Variants in CACNA1E observed in about 807,000 individuals in gnomAD.
The protein encoded by CACNA1E is voltage-dependent R-type calcium channel subunit alpha-1E.
In CACNA1E, 40 loss-of-function variants were observed where a neutral mutation model predicts 259.2. The ratio of observed to expected loss-of-function variants is 0.15; its 90% CI spans 0.12 to 0.20. The LOEUF (loss-of-function observed/expected upper bound fraction) is 0.20. Ranked by LOEUF, CACNA1E falls within the 10% of genes least tolerant of loss-of-function variation. The pLI is 1.00. For synonymous variants in CACNA1E, 1,104 were observed against 1,138.5 expected, an observed-to-expected ratio of 0.97 and a Z score of 0.61; for missense variants, 1,874 against 3,040.1, an observed-to-expected ratio of 0.62 and a Z score of 9.02.
chr1:181,564,228 CA>C (rs1476920537), intron 3 of CACNA1E, among the ~76,000 whole-genome samples: 1 of 152,196 alleles, frequency 6.6e-6, no homozygotes, highest in African/African-American at 2.4e-5. Flanking sequence ...ATTTGTCTCA[CA>C]GTAGAATTTC....
chr1:181,733,427 C>T lies in CACNA1E; in HGVS notation c.2949-10C>T. ...CTGAGCACCAGCTCTCTCTTCCTCT[C>T]TCTTCACAGGACCAACAGTCTGATG... is the stretch of plus-strand genomic sequence containing the variant. On this transcript the variant is annotated splice_polypyrimidine_tract_variant and intron_variant, in intron 20 of 47. Coordinates refer to ENST00000367573, the MANE Select transcript of CACNA1E (RefSeq NM_001205293.3). 2.0e-6 allele frequency: 3 copies of T among 1,503,502 alleles called. No homozygotes were observed. Among genetic ancestry groups the T allele is most frequent in the Non-Finnish European group, 2.7e-6 (3 of 1,125,630 alleles). The allele number at this position is 1,503,502 out of a possible 1,614,324, so 93.1% of individuals were successfully genotyped here. A position where few individuals can be genotyped will look rare whatever the true frequency, so the allele number is the denominator to read the frequency against.
chr1:181,319,952 A>G (rs1217356926), intron 1 of CACNA1E, among the ~76,000 whole-genome samples: 1 of 152,238 alleles, frequency 6.6e-6, no homozygotes. Flanking sequence ...TCCCTCTGAA[A>G]TGCCCATTCC....
At position 181,565,751 on chromosome 1, in the gene CACNA1E, A is replaced by G. The variant is rs557765156; in HGVS notation, c.513-12015A>G. ...TCATGGGGCTTGGATACTGGAGTTCATTAGTGCATCTTGTAACAAGGCCAC... is the reference window on the plus strand; with the variant it reads ...TCATGGGGCTTGGATACTGGAGTTCGTTAGTGCATCTTGTAACAAGGCCAC... On this transcript the variant is annotated intron_variant, in intron 3 of 47. Coordinates refer to ENST00000367573, the MANE Select transcript of CACNA1E (RefSeq NM_001205293.3). Among the ~76,000 whole-genome samples the G allele has an allele frequency of 1.0e-3, 159 of 152,318 alleles. 1 individual carries two copies. The highest frequency in any genetic ancestry group is 2.0e-3 in the Non-Finnish European group (133 of 68,032).
chr1:181,434,394 A>ATTTTTTTTTTT (rs34732298), intron 2 of CACNA1E, among the ~76,000 whole-genome samples: 1 of 149,024 alleles, frequency 6.7e-6, no homozygotes, highest in Non-Finnish European at 1.5e-5. Flanking sequence ...CTACTGGCCA[A>ATTTTTTTTTTT]TTTTTTTTTT....
intron 3 of CACNA1E, among the ~76,000 whole-genome samples, chr1:181,562,339 C>G (rs572334866): frequency 1.3e-5 from 2 of 152,218 alleles, no homozygotes; most frequent in South Asian, 4.2e-4. Flanking sequence ...GCATGACAGG[C>G]CATTGTGTTG....
chr1:181,694,070 G>A (rs932650553), intron 7 of CACNA1E, among the ~76,000 whole-genome samples: 2 of 152,154 alleles, frequency 1.3e-5, no homozygotes, highest in Non-Finnish European at 2.9e-5. Context: ...AATATGTAAT[G>A]AGAAAATAAC....
intron 6 of CACNA1E, among the ~76,000 whole-genome samples, chr1:181,649,778 C>T (rs1658593211): frequency 6.6e-6 from 1 of 152,006 alleles, no homozygotes; most frequent in Non-Finnish European, 1.5e-5. Context: ...TGCATGTTCT[C>T]ACTTATAGGT....
chr1:181,616,340 GTTTTGTTTT>G (rs1485817646), intron 6 of CACNA1E, among the ~76,000 whole-genome samples: 1 of 118,338 alleles, frequency 8.5e-6, no homozygotes, highest in East Asian at 5.3e-4. Flanking sequence ...TGTTTGTTTT[GTTTTGTTTT>G]TTTTGTTTTT....
chr1:181,625,984 G>T (rs982930724), intron 6 of CACNA1E, among the ~76,000 whole-genome samples: 6 of 152,100 alleles, frequency 3.9e-5, no homozygotes, highest in Non-Finnish European at 8.8e-5. Context: ...TCAGGGGATA[G>T]GGAGGCCAAA....
In CACNA1E at chr1:181,803,732, A is replaced by T. The variant is rs1267197691; in HGVS notation, c.*4898A>T. On this transcript the variant is annotated 3_prime_UTR_variant, in exon 48 of 48. Coordinates refer to ENST00000367573, the MANE Select transcript of CACNA1E (RefSeq NM_001205293.3). ...GGAGGCCATCTTTTTCTTTCCTTGA[A>T]TCCTTTCTGCTTTAAACTTCTGAGG... 1 of 152,242 alleles carries T rather than the reference A, an allele frequency of 6.6e-6. No individual in the cohort carries two copies. Among genetic ancestry groups the T allele is most frequent in the Non-Finnish European group, 1.5e-5 (1 of 68,098 alleles). 9.4% of individuals were successfully genotyped at this position (152,242 alleles called of 1,614,324 possible).
chr1:181,319,189 T>G (rs1650155946), intron 1 of CACNA1E, among the ~76,000 whole-genome samples: 2 of 152,300 alleles, frequency 1.3e-5, no homozygotes, highest in African/African-American at 4.8e-5. Flanking sequence ...TGATGCATAC[T>G]TACTCTTGGC....
At chr1:181,450,662 A>G (rs1661103764) in intron 2 of CACNA1E, among the ~76,000 whole-genome samples, 1 of 152,196 alleles carries the variant, frequency 6.6e-6, no homozygotes, top group African/African-American at 2.4e-5. Context: ...AAAACGAGAT[A>G]ATAATGTATA....
intron 21 of CACNA1E, among the ~76,000 whole-genome samples, chr1:181,735,680 G>A (rs142911111): frequency 8.5e-4 from 130 of 152,276 alleles, no homozygotes; most frequent in Non-Finnish European, 1.1e-3. Flanking sequence ...AACCATGGCC[G>A]AGAAAAGCAC....
chr1:181,416,943 C>G (rs567559212), intron 2 of CACNA1E, among the ~76,000 whole-genome samples: 2 of 152,152 alleles, frequency 1.3e-5, no homozygotes, highest in South Asian at 2.1e-4. Flanking sequence ...TGTAGATGAC[C>G]CTTCCTGCAC....
At chr1:181,320,578 A>C (rs1477187040) in intron 1 of CACNA1E, among the ~76,000 whole-genome samples, 2 of 152,226 alleles carry the variant, frequency 1.3e-5, no homozygotes, top group African/African-American at 4.8e-5. Flanking sequence ...ATGCTCAGAA[A>C]AGTTAACTAA....
intron 3 of CACNA1E, among the ~76,000 whole-genome samples, chr1:181,527,746 T>C (rs58143769): frequency 0.08 from 12,182 of 152,258 alleles, 623 homozygotes; most frequent in South Asian, 0.25. Flanking sequence ...CATGCCTTCC[T>C]ACTTATATAA....
chr1:181,766,207 G>A (rs1477060146), intron 34 of CACNA1E, among the ~76,000 whole-genome samples: 3 of 152,152 alleles, frequency 2.0e-5, no homozygotes, highest in Non-Finnish European at 4.4e-5. Flanking sequence ...ACAATTGCTA[G>A]GTTATTAATT....
intron 8 of CACNA1E, among the ~76,000 whole-genome samples, chr1:181,715,006 G>A (rs1653754148): frequency 6.6e-6 from 1 of 152,160 alleles, no homozygotes; most frequent in Non-Finnish European, 1.5e-5. Context: ...GAAGCTGGGT[G>A]GAATTAAAAA....
In CACNA1E at chr1:181,800,632, A is replaced by G. The variant is rs544126329; in HGVS notation, c.*1798A>G. 1 of 152,768 alleles carries G rather than the reference A, an allele frequency of 6.5e-6. No individual in the cohort carries two copies. Among genetic ancestry groups the G allele is most frequent in the Non-Finnish European group, 1.5e-5 (1 of 68,052 alleles). The allele number at this position is 152,768 out of a possible 1,614,324, so 9.5% of individuals were successfully genotyped here. On this transcript the variant is annotated 3_prime_UTR_variant, in exon 48 of 48. Transcript: ENST00000367573. ...CTGATCTGCCCTGCACTGAGCACTC[A>G]GTGGATAAACACTCCTCCAGCCCAG...
Sources: gnomAD v4.1 joint callset for allele counts (sites outside exome capture counted in the v4.1 genomes callset) on GRCh38, gnomAD v4.1.1 for gene constraint, MANE v1.5 for transcripts, NCBI Gene and HGNC (gene_info 2026-07-23, HGNC 2026-07-21) for gene names.